BRCA2: variants seen among roughly 807,000 people sequenced by gnomAD.
The protein encoded by BRCA2 is breast cancer type 2 susceptibility protein.
In BRCA2, 203 loss-of-function variants were observed where a neutral mutation model predicts 276.7. That is an observed-to-expected ratio of 0.73 (90% CI 0.65 to 0.82). The LOEUF is 0.82. Among genes scored for constraint, BRCA2 ranks in the 40% least tolerant of loss-of-function variants. The pLI is 0.00. For synonymous variants in BRCA2, 1,289 were observed against 1,338.4 expected (o/e 0.96, Z 0.81); for missense variants, 3,920 against 3,915.0 (o/e 1.00, Z -0.03).
intron 16 of BRCA2, among the ~76,000 whole-genome samples, chr13:32,359,222 G>GAAAAAAAAAAAAAAAAAA (rs67041705): frequency 9.3e-6 from 1 of 107,428 alleles, no homozygotes; most frequent in Non-Finnish European, 1.8e-5. Flanking sequence ...TCCATCTCAA[G>GAAAAAAAAAAAAAAAAAA]AAAAAAAAAA....
At chr13:32,322,595 G>T (rs1221183511) in intron 3 of BRCA2, among the ~76,000 whole-genome samples, 1 of 152,188 alleles carries the variant, frequency 6.6e-6, no homozygotes, top group Non-Finnish European at 1.5e-5. Flanking sequence ...CCCCGGGTGG[G>T]CCAGGTGTTC....
chr13:32,337,747 G>GA lies in BRCA2; in HGVS notation c.3396dup (p.Pro1133ThrfsTer11), dbSNP rs876658427. The GA allele has an allele frequency of 6.2e-7, 1 of 1,613,766 alleles. No individual in the cohort carries two copies. The highest frequency in any genetic ancestry group is 8.5e-7 in the Non-Finnish European group (1 of 1,179,872). On this transcript the variant is annotated frameshift_variant, in exon 11 of 27. Coordinates refer to ENST00000380152, the MANE Select transcript of BRCA2 (RefSeq NM_000059.4). LOFTEE classifies it high-confidence loss of function. ...AGTCAGTTTGAATTTACTCAGTTTA[G>GA]AAAACCAAGCTACATATTGCAGAAG...
chr13:32,317,798 T>C (rs754909985), intron 2 of BRCA2, among the ~76,000 whole-genome samples: 3 of 152,260 alleles, frequency 2.0e-5, no homozygotes, highest in Non-Finnish European at 2.9e-5. Context: ...GATCACTTCA[T>C]TGATTTGTGA....
At chr13:32,388,091 T>C (rs1484250966) in intron 24 of BRCA2, among the ~76,000 whole-genome samples, 1 of 151,204 alleles carries the variant, frequency 6.6e-6, no homozygotes, top group Non-Finnish European at 1.5e-5. Context: ...CTAAGCCGCA[T>C]AGGGCTGGAC....
intron 18 of BRCA2, among the ~76,000 whole-genome samples, chr13:32,370,050 C>G (rs1193425730): frequency 1.3e-5 from 2 of 152,302 alleles, no homozygotes. Context: ...TTCCTATTCT[C>G]TCTAGTTGCC....
intron 26 of BRCA2, 118 bp from the exon 27 acceptor site, chr13:32,398,044 G>A: frequency 9.5e-7 from 1 of 1,056,730 alleles, no homozygotes; most frequent in South Asian, 1.5e-5. Flanking sequence ...AGGAGTTAGG[G>A]GAGGGAGACT....
intron 13 of BRCA2, 141 bp from the exon 14 acceptor site, chr13:32,354,720 G>A (rs931544702): frequency 2.9e-6 from 2 of 679,510 alleles, no homozygotes; most frequent in Non-Finnish European, 5.2e-6. Context: ...ATATTGTTTT[G>A]GAATGGCAAC....
chr13:32,326,899 G>A (rs1254337181), intron 7 of BRCA2, among the ~76,000 whole-genome samples: 2 of 152,182 alleles, frequency 1.3e-5, no homozygotes, highest in Non-Finnish European at 2.9e-5. Context: ...CGTTTAAGAG[G>A]CAGTATTTGG....
intron 25 of BRCA2, chr13:32,395,960 C>CTTTTTTTTTTTTTTTTTTTTT: frequency 8.8e-5 from 7 of 79,198 alleles, no homozygotes; most frequent in South Asian, 1.4e-4. Flanking sequence ...TTCTTTCTTT[C>CTTTTTTTTTTTTTTTTTTTTT]TTTTTTTTTT....
chr13:32,333,513 C>T, intron 10 of BRCA2, 126 bp downstream of exon 10: 2 of 1,080,948 alleles, frequency 1.9e-6, no homozygotes, highest in Non-Finnish European at 2.7e-6. Context: ...CATCTGTATA[C>T]ATGATTGTTT....
intron 20 of BRCA2, among the ~76,000 whole-genome samples, chr13:32,376,378 C>G (rs1029266410): frequency 1.3e-5 from 2 of 151,664 alleles, no homozygotes; most frequent in Admixed American, 1.3e-4. Flanking sequence ...AAAAATTAAC[C>G]GGGCATGTTG....
chr13:32,315,226 G>A (rs3092989), upstream of BRCA2: 26,389 of 152,490 alleles, frequency 0.17, 2,432 homozygotes, highest in Admixed American at 0.2. Context: ...AAAAAGAAAG[G>A]GATGGGGGAC....
At chr13:32,357,647 T>A (rs934159783) in intron 15 of BRCA2, 95 bp from the exon 16 acceptor site, 96 of 1,346,384 alleles carry the variant, frequency 7.1e-5, no homozygotes, top group Admixed American at 2.3e-5. Context: ...AAATTTTTGG[T>A]AAATTCAGTT....
intron 19 of BRCA2, 99 bp downstream of exon 19, chr13:32,370,656 G>A (rs1165675942): frequency 4.6e-5 from 60 of 1,310,338 alleles, no homozygotes; most frequent in Non-Finnish European, 6.3e-5. Flanking sequence ...TGCCCAGGCT[G>A]GAGTGCAATG....
Position 32,396,909 on chromosome 13 carries a change from A to G in BRCA2, c.9513A>G (p.Ile3171Met). 1 of 1,614,130 alleles carries G rather than the reference A, an allele frequency of 6.2e-7. No individual in the cohort carries two copies. The highest frequency in any genetic ancestry group is 8.5e-7 in the Non-Finnish European group (1 of 1,179,990). Residue 3171 changes from isoleucine (I) to methionine (M), a missense_variant, in exon 26 of 27, where the codon ATA (isoleucine) becomes ATG (methionine). Transcript: ENST00000380152. ...ACTTATTTTCTTAGAATATTGACAT[A>G]CTTTGCAATGAAGCAGAAAACAAGC... ...KMKNTVENID[I>M]LCNEAENKLM...
chr13:32,358,859 A>G (rs553650150), intron 16 of BRCA2, among the ~76,000 whole-genome samples: 47 of 151,586 alleles, frequency 3.1e-4, no homozygotes, highest in Non-Finnish European at 6.3e-4. Flanking sequence ...ATTTGAGCCC[A>G]GTAGGTGGAG....
chr13:32,367,756 C>G (rs2072794293), intron 18 of BRCA2, among the ~76,000 whole-genome samples: 2 of 152,026 alleles, frequency 1.3e-5, no homozygotes, highest in African/African-American at 2.4e-5. Context: ...GATCGTGCTA[C>G]TGCACTTCAG....
rs770031354 is a variant in BRCA2, at chr13:32,337,286, G to A, written c.2931G>A (p.Leu977=). ...LGQDLKSDIS[L]NIDKIPEKNN... ...AAGATTTAAAATCGGACATCTCCTT[G>A]AATATAGATAAAATACCAGAAAAAA... The change falls in exon 11 of 27, where the codon TTG becomes TTA. Residue 977 remains leucine, a synonymous_variant. Transcript: ENST00000380152. 2 of 1,612,420 alleles carry A rather than the reference G, an allele frequency of 1.2e-6. No homozygotes were observed. Among genetic ancestry groups the A allele is most frequent in the African/African-American group, 1.3e-5 (1 of 74,876 alleles).
At position 32,319,092 on chromosome 13, in the gene BRCA2, G is replaced by A. The variant is rs1064793060; in HGVS notation, c.83G>A (p.Ser28Asn). ...TTTTAAATAGATTTAGGACCAATAA[G>A]TCTTAATTGGTTTGAAGAACTTTCT... Reference protein sequence around the residue: ...RCNKADLGPISLNWFEELSSE... With the variant: ...RCNKADLGPINLNWFEELSSE... The change falls in exon 3 of 27, where the codon AGT becomes AAT. Residue 28 changes from serine to asparagine, a missense_variant. Ser to Asn is a conservative substitution (Grantham distance 46). Coordinates refer to ENST00000380152, the MANE Select transcript of BRCA2 (RefSeq NM_000059.4). The A allele has an allele frequency of 6.2e-7, 1 of 1,611,252 alleles. No homozygotes were observed.
Sources: allele counts gnomAD v4.1 joint callset (sites outside exome capture counted in the v4.1 genomes callset), GRCh38; gene constraint gnomAD v4.1.1; transcripts MANE v1.5; gene names NCBI Gene and HGNC (gene_info 2026-07-23, HGNC 2026-07-21).